Variants in FGF14 observed in about 807,000 individuals in gnomAD.
FGF14 encodes the protein fibroblast growth factor 14, also known as fibroblast growth factor homologous factor 4.
In FGF14, 5 loss-of-function variants were observed where a neutral mutation model predicts 25.5. The ratio of observed to expected loss-of-function variants is 0.20; its 90% CI spans 0.10 to 0.41. FGF14 has a LOEUF of 0.41. Ranked by LOEUF, FGF14 falls within the 10% of genes least tolerant of loss-of-function variation. The pLI is 1.00. For synonymous variants in FGF14, 138 were observed against 118.3 expected, an observed-to-expected ratio of 1.17 and a Z score of -1.08; for missense variants, 222 against 320.1, an observed-to-expected ratio of 0.69 and a Z score of 2.34.
chr13:102,107,116 T>A lies in FGF14; in HGVS notation c.209-231820A>T, dbSNP rs1435321575. On this transcript the variant is annotated intron_variant, in intron 1 of 4. Coordinates refer to the FGF14 transcript ENST00000376131. ...ACTACTAGCCATATTTTATATGAGA[T>A]GTGGTTTAGAGACAACTTTTATAAA... Among the ~76,000 whole-genome samples, 2 of 152,210 alleles carry A rather than the reference T, an allele frequency of 1.3e-5. 1 individual carries two copies. The highest frequency in any genetic ancestry group is 3.9e-4 in the East Asian group (2 of 5,178).
chr13:102,120,566 C>T (rs1362201679), intron 1 of FGF14, among the ~76,000 whole-genome samples: 1 of 152,158 alleles, frequency 6.6e-6, no homozygotes, highest in African/African-American at 2.4e-5. Flanking sequence ...AGCTGCTCTG[C>T]CTCCCCTTCC....
chr13:102,396,008 C>A (rs965095988), intron 1 of FGF14, among the ~76,000 whole-genome samples: 8 of 152,126 alleles, frequency 5.3e-5, no homozygotes, highest in Non-Finnish European at 7.4e-5. Context: ...GGTCTTGATA[C>A]AAAAGAGCTA....
At position 101,717,848 on chromosome 13, in the gene FGF14, G is replaced by A. The variant is rs1434296357; in HGVS notation, c.*4983C>T. 1.3e-5 allele frequency: 2 copies of A among 152,058 alleles called. No individual in the cohort carries two copies. Among genetic ancestry groups the A allele is most frequent in the Admixed American group, 6.6e-5 (1 of 15,258 alleles). 9.4% of individuals were successfully genotyped at this position (152,058 alleles called of 1,614,324 possible). On this transcript the variant is annotated 3_prime_UTR_variant, in exon 5 of 5. Transcript: ENST00000376143. ...TCTATAGCTCATCACAAAACCTCAG[G>A]TATGTCTTATTTTTCTTATAATCCT... is the stretch of plus-strand genomic sequence containing the variant.
At chr13:102,247,695 G>A (rs1322534476) in intron 1 of FGF14, among the ~76,000 whole-genome samples, 2 of 152,092 alleles carry the variant, frequency 1.3e-5, no homozygotes, top group South Asian at 4.1e-4. Flanking sequence ...TCCTCAAAGA[G>A]CTAAGAACAG....
At chr13:102,106,554 G>A (rs2044925193) in intron 1 of FGF14, among the ~76,000 whole-genome samples, 3 of 126,608 alleles carry the variant, frequency 2.4e-5, no homozygotes, top group African/African-American at 8.9e-5. Context: ...CAGCCTAGGT[G>A]ACAACAGTGA....
rs545219844 is a variant in FGF14, at chr13:102,007,567, G to A, written c.209-132271C>T. On this transcript the variant is annotated intron_variant, in intron 1 of 4. Transcript: ENST00000376131. The stretch of plus-strand genomic sequence containing the variant: ...AGGTAAGAGAGGTGAGTCCCACCTC[G>A]CTCTGACACTGTCCAACAGGTGGTG... Among the ~76,000 whole-genome samples the A allele has an allele frequency of 3.9e-4, 60 of 152,114 alleles. 1 individual carries two copies. The South Asian group carries it at 9.8e-3, about 25-fold the overall frequency.
intron 1 of FGF14, among the ~76,000 whole-genome samples, chr13:102,136,083 T>A (rs2046396769): frequency 6.6e-6 from 1 of 152,214 alleles, no homozygotes; most frequent in South Asian, 2.1e-4. Flanking sequence ...TATCATATTG[T>A]GACCCAGAAC....
At chr13:102,348,917 T>C (rs1191192400) in intron 1 of FGF14, among the ~76,000 whole-genome samples, 2 of 152,192 alleles carry the variant, frequency 1.3e-5, no homozygotes, top group Non-Finnish European at 2.9e-5. Flanking sequence ...CAATCTTCTC[T>C]TCCTGGAAAC....
intron 1 of FGF14, among the ~76,000 whole-genome samples, chr13:102,324,902 T>C (rs186480767): frequency 1.3e-5 from 2 of 152,322 alleles, no homozygotes; most frequent in Admixed American, 1.3e-4. Flanking sequence ...TATCGCCTGC[T>C]AACCATTAAT....
intron 1 of FGF14, among the ~76,000 whole-genome samples, chr13:102,082,844 G>A (rs1225730267): frequency 6.6e-6 from 1 of 151,460 alleles, no homozygotes; most frequent in East Asian, 1.9e-4. Context: ...TGTAGTCCCA[G>A]CTACTTGGGA....
intron 1 of FGF14, among the ~76,000 whole-genome samples, chr13:102,380,704 T>C (rs1328270709): frequency 6.6e-6 from 1 of 152,174 alleles, no homozygotes; most frequent in Non-Finnish European, 1.5e-5. Context: ...ATACAAGAAG[T>C]GTAATTTACA....
At chr13:101,927,843 T>G (rs2034474162) in intron 1 of FGF14, among the ~76,000 whole-genome samples, 1 of 152,166 alleles carries the variant, frequency 6.6e-6, no homozygotes, top group Admixed American at 6.5e-5. Context: ...GAGCAGTGCC[T>G]GACCCACCAC....
chr13:102,388,506 G>A (rs758005167), intron 1 of FGF14, among the ~76,000 whole-genome samples: 11 of 152,180 alleles, frequency 7.2e-5, no homozygotes, highest in Non-Finnish European at 1.3e-4. Flanking sequence ...TGACTCCCAT[G>A]TCTCTCATTT....
intron 3 of FGF14, among the ~76,000 whole-genome samples, chr13:101,847,426 T>C (rs904007996): frequency 6.6e-6 from 1 of 152,086 alleles, no homozygotes; most frequent in African/African-American, 2.4e-5. Flanking sequence ...CTTAGCTCTT[T>C]TATCTCTGAA....
intron 1 of FGF14, among the ~76,000 whole-genome samples, chr13:102,133,165 T>C (rs577300521): frequency 6.6e-6 from 1 of 152,366 alleles, no homozygotes; most frequent in African/African-American, 2.4e-5. Flanking sequence ...GGAATAGCTA[T>C]TGTGAAATAA....
At chr13:102,022,664 AT>A (rs1318250509) in intron 1 of FGF14, among the ~76,000 whole-genome samples, 1 of 152,096 alleles carries the variant, frequency 6.6e-6, no homozygotes, top group East Asian at 1.9e-4. Context: ...AAAGCCACTC[AT>A]TTAAGATGTT....
At chr13:102,330,603 T>C (rs2056604260) in intron 1 of FGF14, among the ~76,000 whole-genome samples, 1 of 152,168 alleles carries the variant, frequency 6.6e-6, no homozygotes, top group Admixed American at 6.6e-5. Flanking sequence ...TCTTTAGCTA[T>C]CTACAATAAA....
intron 1 of FGF14, among the ~76,000 whole-genome samples, chr13:102,166,359 T>G (rs984869382): frequency 6.6e-6 from 1 of 152,132 alleles, no homozygotes; most frequent in East Asian, 1.9e-4. Flanking sequence ...ATTTATATTA[T>G]AACCCCAAAA....
chr13:101,875,297 C>G lies in FGF14; in HGVS notation c.194-1G>C. ...GTCACTATACCCTTGAGCTGGGGAT[C>G]TGAAAGGCAAACATAGTTATCATAA... On this transcript the variant is annotated splice_acceptor_variant, in intron 1 of 4. Transcript: ENST00000376143. LOFTEE classifies it high-confidence loss of function. 6.2e-7 allele frequency: 1 copy of G among 1,604,128 alleles called. No homozygotes were observed.
Sources: allele counts gnomAD v4.1 joint callset (sites outside exome capture counted in the v4.1 genomes callset), GRCh38; gene constraint gnomAD v4.1.1; transcripts MANE v1.5; gene names NCBI Gene and HGNC (gene_info 2026-07-23, HGNC 2026-07-21).